The following COL1A2 variants were observed in gnomAD, a reference collection of about 807,000 sequenced individuals.
The protein encoded by COL1A2 is collagen type I alpha 2 chain, also known as collagen alpha-2(I) chain.
Under a neutral mutation model 174.3 loss-of-function variants are expected in COL1A2, and 49 were observed. The ratio of observed to expected loss-of-function variants is 0.28; its 90% CI spans 0.22 to 0.36. The LOEUF (loss-of-function observed/expected upper bound fraction) is 0.36. COL1A2 is among the 10% of genes least tolerant of loss of function. COL1A2 has a pLI of 1.00. For missense variants in COL1A2, 1,438 were observed against 1,822.7 expected, an observed-to-expected ratio of 0.79 and a Z score of 3.84; for synonymous variants, 655 against 606.6, an observed-to-expected ratio of 1.08 and a Z score of -1.17.
intron 10 of COL1A2, 149 bp from the exon 11 acceptor site, chr7:94,405,524 A>C: frequency 1.2e-6 from 1 of 812,286 alleles, no homozygotes. Context: ...CATTAGAGCA[A>C]GTTAATTTGT....
chr7:94,406,375 T>G, intron 12 of COL1A2, 72 bp downstream of exon 12: 1 of 1,394,168 alleles, frequency 7.2e-7, no homozygotes, highest in East Asian at 2.3e-5. Context: ...AAAAAGTATA[T>G]TATACTGAAG....
At chr7:94,405,530 T>C (rs1303441078) in intron 10 of COL1A2, 143 bp from the exon 11 acceptor site, 34 of 830,596 alleles carry the variant, frequency 4.1e-5, no homozygotes, top group Non-Finnish European at 4.2e-6. Context: ...AGCAAGTTAA[T>C]TTGTCACTCT....
chr7:94,424,911 C>G (rs2072071), intron 41 of COL1A2: 3 of 600,708 alleles, frequency 5.0e-6, no homozygotes, highest in Non-Finnish European at 9.0e-6. Flanking sequence ...AGCAACATCC[C>G]GTGATTACAT....
intron 26 of COL1A2, 62 bp downstream of exon 26, chr7:94,413,198 T>G: frequency 6.8e-7 from 1 of 1,469,722 alleles, no homozygotes; most frequent in Non-Finnish European, 9.5e-7. Flanking sequence ...CACACTTTTT[T>G]TTTTACACCA....
rs1791756721 is a variant in COL1A2, at chr7:94,404,609, T to C, written c.324+9T>C. On this transcript the variant is annotated intron_variant, in intron 7 of 51. Transcript: ENST00000297268. ...GTGCAGCTGGAGCCCCAGTAAGTAC[T>C]GAAAGCTTGTAATGCCTCTTATGTA... 1 of 1,614,058 alleles carries C rather than the reference T, an allele frequency of 6.2e-7. No homozygotes were observed. Among genetic ancestry groups the C allele is most frequent in the East Asian group, 2.2e-5 (1 of 44,890 alleles).
intron 6 of COL1A2, among the ~76,000 whole-genome samples, chr7:94,402,166 C>G (rs200352493): frequency 6.6e-6 from 1 of 152,106 alleles, no homozygotes; most frequent in East Asian, 1.9e-4. Context: ...AGATGCCAGG[C>G]AAGATGTCTA....
At chr7:94,410,005 T>C in intron 19 of COL1A2, among the ~76,000 whole-genome samples, 184 bp downstream of exon 19, 1 of 152,194 alleles carries the variant, frequency 6.6e-6, no homozygotes, top group Non-Finnish European at 1.5e-5. Flanking sequence ...GACATGCCCT[T>C]CCTGTTATCT....
At chr7:94,429,600 A>G in intron 51 of COL1A2, 170 bp downstream of exon 51, 2 of 620,784 alleles carry the variant, frequency 3.2e-6, no homozygotes, top group Non-Finnish European at 5.5e-6. Flanking sequence ...ATATTTATTT[A>G]TTTATACGTA....
At chr7:94,428,535 T>G in intron 50 of COL1A2, 58 bp downstream of exon 50, 1 of 1,481,748 alleles carries the variant, frequency 6.7e-7, no homozygotes. Flanking sequence ...TAGGACTGTT[T>G]GTTAATTATC....
At chr7:94,423,312 G>T in intron 40 of COL1A2, 194 bp downstream of exon 40, 1 of 643,532 alleles carries the variant, frequency 1.6e-6, no homozygotes, top group Non-Finnish European at 2.7e-6. Flanking sequence ...GCACAAAATC[G>T]GGAAGACAAT....
At chr7:94,409,520 T>C (rs1363688065) in intron 17 of COL1A2, 44 bp from the exon 18 acceptor site, 1 of 1,613,436 alleles carries the variant, frequency 6.2e-7, no homozygotes, top group Non-Finnish European at 8.5e-7. Context: ...AGAACCGAAA[T>C]ATTCCAATTA....
In COL1A2 at chr7:94,423,024, A is replaced by G. The variant is rs1310067676; in HGVS notation, c.2471A>G (p.Asp824Gly). 1 of 1,614,000 alleles carries G rather than the reference A, an allele frequency of 6.2e-7. No individual in the cohort carries two copies. ...GAAGGGCTTCGTGGTCCTCGTGGTG[A>G]CCAAGGTCCAGTTGGCCGAACTGGA... ...GKEGLRGPRGDQGPVGRTGEV... is the reference protein window; with the variant it reads ...GKEGLRGPRGGQGPVGRTGEV... Residue 824 changes from aspartate (D) to glycine (G), a missense_variant, in exon 40 of 52, where the codon GAC becomes GGC. Physicochemically the swap from Asp to Gly is moderately conservative, Grantham distance 94. Around this residue, in one of 3 missense-constraint regions of COL1A2, gnomAD observed 867 missense variants for 1,213.7 expected, o/e 0.71. Coordinates refer to ENST00000297268, the MANE Select transcript of COL1A2 (RefSeq NM_000089.4).
intron 1 of COL1A2, chr7:94,395,486 T>C (rs1214559957): frequency 5.8e-6 from 2 of 345,748 alleles, no homozygotes; most frequent in African/African-American, 4.3e-5. Flanking sequence ...GTCCACCTTG[T>C]AAAACTTGAG....
Position 94,404,332 on chromosome 7 carries a change from G to A in COL1A2, c.280-224G>A, listed in dbSNP as rs147834963. On this transcript the variant is annotated intron_variant, in intron 6 of 51. Coordinates refer to ENST00000297268, the MANE Select transcript of COL1A2 (RefSeq NM_000089.4). ...CAACTTTAAGGAACCTATCTGCCCC[G>A]TCTAATTCTCATTGATTTCTGTTGA... 6.6e-5 allele frequency among the ~76,000 whole-genome samples: 10 copies of A among 152,242 alleles called. 1 individual carries two copies. The Middle Eastern group carries it at 0.01, about 155-fold the overall frequency.
intron 24 of COL1A2, among the ~76,000 whole-genome samples, 197 bp from the exon 25 acceptor site, chr7:94,412,387 C>A (rs552266933): frequency 6.6e-6 from 1 of 151,712 alleles, no homozygotes; most frequent in African/African-American, 2.4e-5. Context: ...AAATTGCATA[C>A]ATACGAGATT....
intron 29 of COL1A2, among the ~76,000 whole-genome samples, chr7:94,414,811 TAA>T (rs936441306): frequency 3.3e-5 from 5 of 152,172 alleles, no homozygotes. Context: ...TGGTCAGTAA[TAA>T]AAGAGATACA....
rs751435484 is a variant in COL1A2, at chr7:94,400,302, C to A, written c.225+14C>A. On this transcript the variant is annotated intron_variant, in intron 5 of 51. Coordinates refer to ENST00000297268, the MANE Select transcript of COL1A2 (RefSeq NM_000089.4). ...GGTCTCGGTGGGGTAAGGTGTCTTA[C>A]GTATTGCTAACTTTTAGCTAACTTC... 1.2e-6 allele frequency: 2 copies of A among 1,608,524 alleles called. No homozygotes were observed. The highest frequency in any genetic ancestry group is 2.2e-5 in the East Asian group (1 of 44,778).
intron 9 of COL1A2, 64 bp downstream of exon 9, chr7:94,404,956 T>C (rs781443265): frequency 1.3e-6 from 2 of 1,577,482 alleles, no homozygotes; most frequent in Non-Finnish European, 1.7e-6. Context: ...AACAAGATTT[T>C]CTAGATTCAA....
chr7:94,419,494 C>A lies in COL1A2; in HGVS notation c.2026-4C>A. 1 of 1,614,062 alleles carries A rather than the reference C, an allele frequency of 6.2e-7. No homozygotes were observed. Among genetic ancestry groups the A allele is most frequent in the Non-Finnish European group, 8.5e-7 (1 of 1,179,992 alleles). ...AATAAGACATGTTTCCTTTTTGGTACTAGGGTGCTCCTGGTGCTGTAGGTG... is the reference window on the plus strand; with the variant it reads ...AATAAGACATGTTTCCTTTTTGGTAATAGGGTGCTCCTGGTGCTGTAGGTG... On this transcript the variant is annotated splice_region_variant and splice_polypyrimidine_tract_variant and intron_variant, in intron 33 of 51. Transcript: ENST00000297268.
Sources: gnomAD v4.1 joint callset for allele counts (sites outside exome capture counted in the v4.1 genomes callset) on GRCh38, gnomAD v4.1.1 for gene constraint, gnomAD v4.1.1 regional missense constraint, MANE v1.5 for transcripts, NCBI Gene and HGNC (gene_info 2026-07-23, HGNC 2026-07-21) for gene names.